Variants in IL1RN observed in about 807,000 individuals in gnomAD.
IL1RN encodes the protein interleukin-1 receptor antagonist protein.
In IL1RN, 10 loss-of-function variants were observed where a neutral mutation model predicts 13.7. The observed-to-expected ratio is 0.73, with a 90% CI of 0.45 to 1.24. The LOEUF (loss-of-function observed/expected upper bound fraction) is 1.24, where lower values mean the gene tolerates loss of function less well. IL1RN is among the 50% of genes most tolerant of loss of function. The pLI is 0.00. For missense variants in IL1RN, 213 were observed against 222.1 expected (o/e 0.96, Z 0.26); for synonymous variants, 102 against 82.7 (o/e 1.23, Z -1.27).
the IL1RN span, among the ~76,000 whole-genome samples, chr2:113,099,719 C>CCTTCTTTTTTTTTTT: frequency 1.9e-4 from 15 of 80,526 alleles, 1 homozygote; most frequent in Non-Finnish European, 2.6e-4. Flanking sequence ...GCATCCTCTT[C>CCTTCTTTTTTTTTTT]TTTCTTTTCT....
At chr2:113,102,849 A>G (rs944261062), upstream of IL1RN, among the ~76,000 whole-genome samples, 5 of 152,084 alleles carry the variant, frequency 3.3e-5, no homozygotes, top group African/African-American at 1.2e-4. Context: ...TAAGGCAGGA[A>G]CTGGCCATTT....
intron 1 of IL1RN, among the ~76,000 whole-genome samples, chr2:113,119,320 A>G (rs1686689220): frequency 6.6e-6 from 1 of 152,182 alleles, no homozygotes; most frequent in Non-Finnish European, 1.5e-5. Context: ...TATTGCTCAC[A>G]TTTTCAGAAG....
upstream of IL1RN, among the ~76,000 whole-genome samples, chr2:113,103,486 G>T (rs763144549): frequency 6.6e-6 from 1 of 152,112 alleles, no homozygotes; most frequent in East Asian, 1.9e-4. Flanking sequence ...GAGTGATGCC[G>T]CCATGAGGCA....
At chr2:113,109,158 ATCC>A (rs1188111656), upstream of IL1RN, among the ~76,000 whole-genome samples, 1 of 152,214 alleles carries the variant, frequency 6.6e-6, no homozygotes, top group Non-Finnish European at 1.5e-5. Flanking sequence ...CATGCCCGTA[ATCC>A]CAGCACTTTG....
upstream of IL1RN, among the ~76,000 whole-genome samples, chr2:113,106,357 T>C (rs887001343): frequency 2.0e-5 from 3 of 152,234 alleles, no homozygotes; most frequent in Non-Finnish European, 4.4e-5. Flanking sequence ...TCTTGACCTT[T>C]TTAAGATTAT....
chr2:113,107,791 G>A (rs550616732), upstream of IL1RN, among the ~76,000 whole-genome samples: 5 of 152,172 alleles, frequency 3.3e-5, no homozygotes, highest in Admixed American at 2.0e-4. Context: ...AGACATTTCT[G>A]GATAAACAGT....
Position 113,132,989 on chromosome 2 carries a change from A to AC in IL1RN, c.*121dup. The AC allele has an allele frequency of 1.0e-6, 1 of 979,160 alleles. No individual in the cohort carries two copies. Among genetic ancestry groups the AC allele is most frequent in the Non-Finnish European group, 1.6e-6 (1 of 616,724 alleles). The allele number at this position is 979,160 out of a possible 1,614,324, so 60.7% of individuals were successfully genotyped here. A position where few individuals can be genotyped will look rare whatever the true frequency, so the allele number is the denominator to read the frequency against. ...CTGAGGACCAGCCATTGAGGGGTGG[A>AC]CCCTCAGAAGGCGTCACAACAACCT... On this transcript the variant is annotated 3_prime_UTR_variant, in exon 4 of 4. Transcript: ENST00000409930.
chr2:113,120,670 T>C (rs1686741946), intron 2 of IL1RN, among the ~76,000 whole-genome samples: 1 of 152,222 alleles, frequency 6.6e-6, no homozygotes, highest in South Asian at 2.1e-4. Context: ...CCCTGTAACC[T>C]GTGTAAGGTT....
upstream of IL1RN, among the ~76,000 whole-genome samples, chr2:113,117,118 C>CAT (rs1445850844): frequency 2.2e-3 from 334 of 152,320 alleles, 1 homozygote; most frequent in African/African-American, 7.8e-3. Flanking sequence ...GGTTCGCTCC[C>CAT]AACGGCAAAA....
At chr2:113,100,619 C>A in the IL1RN span, among the ~76,000 whole-genome samples, 138,014 of 152,240 alleles carry the variant, frequency 0.91, 63,125 homozygotes, top group African/African-American at 0.94. Context: ...CGCACAGATG[C>A]AGAAACTGAG....
upstream of IL1RN, among the ~76,000 whole-genome samples, chr2:113,110,913 A>C (rs1178996984): frequency 2.0e-5 from 3 of 152,122 alleles, no homozygotes; most frequent in Non-Finnish European, 4.4e-5. Context: ...CCAAGAACTA[A>C]TTTCTGGAAT....
exon 2 of IL1RN, chr2:113,120,105 G>T: frequency 6.2e-7 from 1 of 1,613,408 alleles, no homozygotes. Flanking sequence ...GGAGGAGAAG[G>T]TGAAGACAAT....
upstream of IL1RN, among the ~76,000 whole-genome samples, chr2:113,104,462 T>C (rs1040435010): frequency 3.3e-5 from 5 of 152,090 alleles, no homozygotes; most frequent in African/African-American, 9.7e-5. Context: ...CCCCCACATG[T>C]CTATTCCTGG....
intron 1 of IL1RN, among the ~76,000 whole-genome samples, chr2:113,128,021 A>C (rs1264268039): frequency 6.6e-6 from 1 of 152,240 alleles, no homozygotes; most frequent in African/African-American, 2.4e-5. Context: ...TGGGACTGCG[A>C]TTCAGGCCTA....
chr2:113,105,085 A>G (rs945365640), upstream of IL1RN, among the ~76,000 whole-genome samples: 2 of 152,216 alleles, frequency 1.3e-5, no homozygotes, highest in Non-Finnish European at 2.9e-5. Context: ...GAGATCTTTC[A>G]GAGGAGGTAG....
upstream of IL1RN, among the ~76,000 whole-genome samples, chr2:113,123,295 C>T (rs1686842962): frequency 6.6e-6 from 1 of 152,158 alleles, no homozygotes; most frequent in African/African-American, 2.4e-5. Flanking sequence ...ACTGCCTGAG[C>T]CCAGAGAGGT....
upstream of IL1RN, among the ~76,000 whole-genome samples, chr2:113,122,915 C>A (rs7587158): frequency 6.6e-6 from 1 of 152,136 alleles, no homozygotes; most frequent in East Asian, 1.9e-4. Context: ...CACCTGAGGT[C>A]GGGAGTTCGA....
In IL1RN at chr2:113,129,597, G is replaced by C; in HGVS notation, c.138G>C (p.Lys46Asn). ...TCAGAATCTGGGATGTTAACCAGAA[G>C]ACCTTCTATCTGAGGAACAACCAAC... Reference protein sequence around the residue: ...QAFRIWDVNQKTFYLRNNQLV... With the variant: ...QAFRIWDVNQNTFYLRNNQLV... Residue 46 changes from lysine to asparagine, a missense_variant, in exon 2 of 4, where the codon AAG becomes AAC. Lys to Asn is a moderately conservative substitution (Grantham distance 94). Coordinates refer to ENST00000409930, the MANE Select transcript of IL1RN (RefSeq NM_173842.3). 1 of 1,611,016 alleles carries C rather than the reference G, an allele frequency of 6.2e-7. No homozygotes were observed. Among genetic ancestry groups the C allele is most frequent in the Non-Finnish European group, 8.5e-7 (1 of 1,177,122 alleles).
At chr2:113,117,949 T>C in exon 1 of IL1RN, 3 of 948,680 alleles carry the variant, frequency 3.2e-6, no homozygotes, top group South Asian at 2.6e-5. Flanking sequence ...TGCTACTTTA[T>C]GGGCAGCAGC....
Sources: gnomAD v4.1 joint callset for allele counts (sites outside exome capture counted in the v4.1 genomes callset) on GRCh38, gnomAD v4.1.1 for gene constraint, MANE v1.5 for transcripts, NCBI Gene and HGNC (gene_info 2026-07-23, HGNC 2026-07-21) for gene names.